HADH: variants seen among roughly 807,000 people sequenced by gnomAD.
The protein encoded by HADH is hydroxyacyl-coenzyme A dehydrogenase, mitochondrial.
A neutral mutation model predicts 32.2 loss-of-function variants in HADH; 24 were observed. The observed-to-expected ratio is 0.75, with a 90% CI of 0.54 to 1.05. HADH has a LOEUF of 1.05. Ranked by LOEUF, HADH falls within the 50% of genes least tolerant of loss-of-function variation. The pLI is 0.00. For missense variants in HADH, 350 were observed against 397.1 expected (o/e 0.88, Z 1.01); for synonymous variants, 139 against 152.5 (o/e 0.91, Z 0.65).
At chr4:107,998,863 G>A (rs1735031825) in intron 1 of HADH, among the ~76,000 whole-genome samples, 1 of 152,024 alleles carries the variant, frequency 6.6e-6, no homozygotes, top group Non-Finnish European at 1.5e-5. Context: ...TTCCTTCTCT[G>A]ACCTTTGTTG....
At chr4:108,018,204 C>T (rs1560733076) in intron 3 of HADH, among the ~76,000 whole-genome samples, 1 of 152,164 alleles carries the variant, frequency 6.6e-6, no homozygotes, top group Non-Finnish European at 1.5e-5. Context: ...CCACAGCTGG[C>T]ACAGCCTTGG....
chr4:108,003,140 A>C (rs1206949375), intron 1 of HADH, among the ~76,000 whole-genome samples: 1 of 149,776 alleles, frequency 6.7e-6, no homozygotes, highest in East Asian at 1.9e-4. Context: ...TATTAACAGA[A>C]TACCTGAGAC....
intron 4 of HADH, among the ~76,000 whole-genome samples, chr4:108,022,905 A>C (rs1735939893): frequency 1.3e-5 from 2 of 152,186 alleles, no homozygotes; most frequent in African/African-American, 2.4e-5. Flanking sequence ...CTCAACAACA[A>C]AGCCTGTAAA....
intron 2 of HADH, among the ~76,000 whole-genome samples, chr4:108,013,791 T>G (rs1735587788): frequency 6.6e-6 from 1 of 152,180 alleles, no homozygotes; most frequent in Non-Finnish European, 1.5e-5. Flanking sequence ...TTAGATATAT[T>G]GGGTTAAATA....
chr4:108,032,394 G>T, intron 6 of HADH: 2 of 1,565,098 alleles, frequency 1.3e-6, no homozygotes, highest in Non-Finnish European at 8.8e-7. Context: ...TGACTAAAAG[G>T]TTTGTGTGAA....
Position 108,033,254 on chromosome 4 carries a change from A to G in HADH, c.788A>G (p.Asp263Gly). 1 of 1,601,356 alleles carries G rather than the reference A, an allele frequency of 6.2e-7. No individual in the cohort carries two copies. The highest frequency in any genetic ancestry group is 8.6e-7 in the Non-Finnish European group (1 of 1,168,470). Residue 263 changes from aspartate (D) to glycine (G), a missense_variant, in exon 7 of 8, where the codon GAT becomes GGT. Coordinates refer to ENST00000309522, the MANE Select transcript of HADH (RefSeq NM_005327.7). Reference sequence around the variant, plus strand: ...CCCATGGGCCCATTTGAGCTTCTAGATTATGTCGGACTGGATACTACGAAG... The same window carrying G: ...CCCATGGGCCCATTTGAGCTTCTAGGTTATGTCGGACTGGATACTACGAAG... ...GYPMGPFELL[D>G]YVGLDTTKFI... is the part of the protein sequence containing the mutation.
At chr4:108,031,434 T>C (rs987961091) in intron 6 of HADH, 1 of 152,302 alleles carries the variant, frequency 6.6e-6, no homozygotes, top group Non-Finnish European at 1.5e-5. Context: ...TCCAGGGCTC[T>C]ACCAGCACAG....
intron 1 of HADH, among the ~76,000 whole-genome samples, chr4:108,008,339 C>T (rs1036181501): frequency 2.5e-4 from 38 of 152,262 alleles, no homozygotes; most frequent in South Asian, 6.2e-4. Context: ...GGTTCCCAGA[C>T]GGTGCTGATG....
chr4:108,009,906 T>A lies in HADH; in HGVS notation c.261+19T>A. ...CCTTAAGGTAATTTCTTATTATCGA[T>A]GTCTTCAAGACAAGTCCTCTGACTG... On this transcript the variant is annotated intron_variant, in intron 2 of 7. Coordinates refer to ENST00000309522, the MANE Select transcript of HADH (RefSeq NM_005327.7). The A allele has an allele frequency of 1.3e-6, 2 of 1,572,820 alleles. No individual in the cohort carries two copies. Among genetic ancestry groups the A allele is most frequent in the South Asian group, 2.2e-5 (2 of 90,290 alleles).
At chr4:108,020,687 G>A (rs1283207923) in intron 4 of HADH, among the ~76,000 whole-genome samples, 1 of 151,984 alleles carries the variant, frequency 6.6e-6, no homozygotes, top group Admixed American at 6.6e-5. Context: ...CTAATTACAG[G>A]GTCTGAGGAG....
intron 4 of HADH, among the ~76,000 whole-genome samples, chr4:108,020,890 ATCC>A: frequency 6.6e-6 from 1 of 151,984 alleles, no homozygotes; most frequent in South Asian, 2.1e-4. Flanking sequence ...TCCTTCCTTT[ATCC>A]TCCTCATTCC....
rs989337117 is a variant in HADH, at chr4:108,009,744, CTT to C, written c.133-12_133-11del. On this transcript the variant is annotated splice_polypyrimidine_tract_variant and intron_variant, in intron 1 of 7. Coordinates refer to ENST00000309522, the MANE Select transcript of HADH (RefSeq NM_005327.7). ...TTCTTTCTTTTAAAAAGAAATTGTT[CTT>C]TTGTTGCTCTAGGTTGCTGCAGCAA... 2 of 1,612,662 alleles carry C rather than the reference CTT, an allele frequency of 1.2e-6. No individual in the cohort carries two copies. Among genetic ancestry groups the C allele is most frequent in the Non-Finnish European group, 1.7e-6 (2 of 1,178,920 alleles).
At chr4:108,025,181 T>TA (rs972857135) in intron 5 of HADH, 1 of 152,214 alleles carries the variant, frequency 6.6e-6, no homozygotes, top group Non-Finnish European at 1.5e-5. Context: ...AAACTTGACT[T>TA]ACAAAAACAG....
At chr4:108,019,930 G>A (rs771330489) in intron 4 of HADH, among the ~76,000 whole-genome samples, 10 of 152,232 alleles carry the variant, frequency 6.6e-5, no homozygotes, top group Non-Finnish European at 1.2e-4. Flanking sequence ...GGGCAGTGCT[G>A]AGAGGCATCA....
intron 2 of HADH, among the ~76,000 whole-genome samples, chr4:108,014,185 T>G (rs1237141669): frequency 6.6e-6 from 1 of 152,232 alleles, no homozygotes; most frequent in Non-Finnish European, 1.5e-5. Flanking sequence ...CTCTTGCCCT[T>G]GCTCTAATAG....
At chr4:108,023,692 G>T in intron 5 of HADH, 129 bp downstream of exon 5, 1 of 712,002 alleles carries the variant, frequency 1.4e-6, no homozygotes. Context: ...TTGTCCACAT[G>T]CTGTAAAGAG....
At chr4:108,007,685 T>G (rs530357183) in intron 1 of HADH, among the ~76,000 whole-genome samples, 15 of 152,340 alleles carry the variant, frequency 9.8e-5, no homozygotes, top group Non-Finnish European at 1.8e-4. Context: ...CCATTTAGAC[T>G]AACGCACCAG....
intron 2 of HADH, among the ~76,000 whole-genome samples, chr4:108,014,113 G>A (rs573319993): frequency 1.3e-5 from 2 of 152,316 alleles, no homozygotes; most frequent in African/African-American, 4.8e-5. Flanking sequence ...GGAAACAACA[G>A]TTTCAGGCAT....
At chr4:108,003,720 C>G (rs1252185925) in intron 1 of HADH, among the ~76,000 whole-genome samples, 1 of 150,578 alleles carries the variant, frequency 6.6e-6, no homozygotes, top group African/African-American at 2.5e-5. Context: ...AGATCAAAAG[C>G]AAAATAAAAT....
Sources: gnomAD v4.1 joint callset for allele counts (sites outside exome capture counted in the v4.1 genomes callset) on GRCh38, gnomAD v4.1.1 for gene constraint, MANE v1.5 for transcripts, NCBI Gene and HGNC (gene_info 2026-07-23, HGNC 2026-07-21) for gene names.